Variants in DLGAP4 observed in about 807,000 individuals in gnomAD.
DLGAP4 encodes the protein disks large-associated protein 4.
DLGAP4 carries 18 observed loss-of-function variants against 86.9 expected under a neutral mutation model. The ratio of observed to expected loss-of-function variants is 0.21; its 90% CI spans 0.14 to 0.31. The LOEUF is 0.31. DLGAP4 is among the 10% of genes least tolerant of loss of function. The probability of loss-of-function intolerance (pLI) is 1.00; values close to 1 mark genes in which losing one functional copy is unlikely to be tolerated. For synonymous variants in DLGAP4, 548 were observed against 574.3 expected (o/e 0.95, Z 0.65); for missense variants, 1,085 against 1,362.6 (o/e 0.80, Z 3.21).
chr20:36,371,999 A>C (rs2030959149), intron 2 of DLGAP4, among the ~76,000 whole-genome samples: 1 of 152,080 alleles, frequency 6.6e-6, no homozygotes, highest in Admixed American at 6.6e-5. Context: ...CTCTCCTGCT[A>C]CCCACCTCAA....
chr20:36,440,444 G>A (rs2033415028), intron 5 of DLGAP4, among the ~76,000 whole-genome samples: 1 of 152,172 alleles, frequency 6.6e-6, no homozygotes, highest in Admixed American at 6.5e-5. Context: ...GTGCTCCCAG[G>A]CGCAGCCAGC....
At chr20:36,413,828 A>G (rs1026050083) in intron 2 of DLGAP4, among the ~76,000 whole-genome samples, 13 of 152,180 alleles carry the variant, frequency 8.5e-5, no homozygotes, top group African/African-American at 3.1e-4. Flanking sequence ...ATGGATCAGA[A>G]CTTCATTCCT....
chr20:36,497,525 C>T (rs2035940731), intron 8 of DLGAP4: 2 of 994,364 alleles, frequency 2.0e-6, no homozygotes, highest in Admixed American at 1.1e-4. Context: ...GGCCAGGGGC[C>T]CAGGACCCAG....
At chr20:36,365,214 C>T (rs2030644440) in intron 1 of DLGAP4, among the ~76,000 whole-genome samples, 2 of 152,226 alleles carry the variant, frequency 1.3e-5, no homozygotes, top group Admixed American at 1.3e-4. Flanking sequence ...CCCTGCGGCA[C>T]CCTGCCGTGC....
intron 6 of DLGAP4, among the ~76,000 whole-genome samples, chr20:36,445,857 A>G (rs938986169): frequency 3.3e-5 from 5 of 152,194 alleles, no homozygotes; most frequent in African/African-American, 1.2e-4. Flanking sequence ...GACATGGGTC[A>G]GATAGCCCTT....
chr20:36,426,241 C>T (rs2032970121), intron 2 of DLGAP4, among the ~76,000 whole-genome samples: 1 of 152,096 alleles, frequency 6.6e-6, no homozygotes, highest in Non-Finnish European at 1.5e-5. Context: ...GGCCGCCAGG[C>T]ATAGGGCTCA....
intron 10 of DLGAP4, among the ~76,000 whole-genome samples, chr20:36,502,653 A>G (rs1324865094): frequency 6.6e-6 from 1 of 152,152 alleles, no homozygotes; most frequent in Non-Finnish European, 1.5e-5. Context: ...CACCCGGACA[A>G]CAATTTCTAT....
chr20:36,401,426 C>T (rs1204552123), intron 2 of DLGAP4, among the ~76,000 whole-genome samples: 2 of 152,224 alleles, frequency 1.3e-5, no homozygotes, highest in African/African-American at 2.4e-5. Context: ...CCAGTCTTTG[C>T]CACGTGCTGC....
intron 4 of DLGAP4, among the ~76,000 whole-genome samples, chr20:36,437,917 G>C (rs1023216547): frequency 7.2e-5 from 11 of 152,046 alleles, no homozygotes; most frequent in African/African-American, 2.7e-4. Flanking sequence ...CTTTTTTGTG[G>C]GGATGTGGGG....
At chr20:36,442,830 C>T (rs2033487324) in intron 6 of DLGAP4, 53 bp downstream of exon 6, 1 of 1,605,676 alleles carries the variant, frequency 6.2e-7, no homozygotes, top group Non-Finnish European at 8.5e-7. Context: ...TAGGCCTGGG[C>T]CTTAGGCCTG....
chr20:36,351,863 C>T (rs1465157110), intron 1 of DLGAP4, among the ~76,000 whole-genome samples: 1 of 152,082 alleles, frequency 6.6e-6, no homozygotes, highest in African/African-American at 2.4e-5. Flanking sequence ...AACAATGTCT[C>T]CCCACCTGGA....
intron 2 of DLGAP4, among the ~76,000 whole-genome samples, chr20:36,400,958 TC>T (rs1242510727): frequency 5.9e-5 from 9 of 151,750 alleles, no homozygotes; most frequent in Admixed American, 1.3e-4. Flanking sequence ...CTTGAGGAAT[TC>T]CCCCCTTTGC....
At chr20:36,524,169 G>C (rs1600721747) in intron 10 of DLGAP4, 81 bp from the exon 11 acceptor site, 2 of 1,074,634 alleles carry the variant, frequency 1.9e-6, no homozygotes, top group East Asian at 4.7e-5. Context: ...AGGGAGTGTG[G>C]GAGGAGATTA....
chr20:36,331,983 G>T (rs1170443591), intron 1 of DLGAP4, among the ~76,000 whole-genome samples: 4 of 151,932 alleles, frequency 2.6e-5, no homozygotes, highest in Non-Finnish European at 5.9e-5. Context: ...TCGGGGGCGG[G>T]TAGGGGGAGA....
intron 2 of DLGAP4, among the ~76,000 whole-genome samples, chr20:36,395,013 C>T (rs568103804): frequency 5.3e-5 from 8 of 152,110 alleles, no homozygotes; most frequent in Admixed American, 1.3e-4. Flanking sequence ...CTTTTAGCCT[C>T]CCCGTCGTTC....
intron 1 of DLGAP4, among the ~76,000 whole-genome samples, chr20:36,362,667 G>A (rs868933018): frequency 4.6e-5 from 7 of 152,236 alleles, no homozygotes; most frequent in Non-Finnish European, 2.9e-5. Context: ...ACAGCGTGTG[G>A]CAATGAAACA....
At chr20:36,328,185 C>A (rs554076330) in intron 1 of DLGAP4, among the ~76,000 whole-genome samples, 2 of 151,838 alleles carry the variant, frequency 1.3e-5, no homozygotes, top group Admixed American at 1.3e-4. Context: ...GACAACAGAG[C>A]AAGACTCTGT....
chr20:36,463,324 C>A (rs1207071258), intron 7 of DLGAP4, among the ~76,000 whole-genome samples: 1 of 152,194 alleles, frequency 6.6e-6, no homozygotes, highest in Non-Finnish European at 1.5e-5. Context: ...TCATGATGAT[C>A]AAATGAAACA....
intron 12 of DLGAP4, 89 bp downstream of exon 12, chr20:36,526,095 C>T (rs753767027): frequency 1.3e-6 from 2 of 1,584,570 alleles, no homozygotes; most frequent in South Asian, 1.1e-5. Flanking sequence ...CTGCTTGGCT[C>T]CCTTCTCCGT....
Sources: allele counts gnomAD v4.1 joint callset (sites outside exome capture counted in the v4.1 genomes callset), GRCh38; gene constraint gnomAD v4.1.1; transcripts MANE v1.5; gene names NCBI Gene and HGNC (gene_info 2026-07-23, HGNC 2026-07-21).